TRPC4: variants seen among roughly 807,000 people sequenced by gnomAD.
TRPC4 encodes the protein short transient receptor potential channel 4.
Under a neutral mutation model 99.4 loss-of-function variants are expected in TRPC4, and 49 were observed. That is an observed-to-expected ratio of 0.49 (90% confidence interval 0.39 to 0.63). TRPC4 has a LOEUF of 0.63. TRPC4 is among the 20% of genes least tolerant of loss of function. The probability of loss-of-function intolerance (pLI) is 0.00; values close to 1 mark genes in which losing one functional copy is unlikely to be tolerated. For missense variants in TRPC4, 898 were observed against 1,152.9 expected (o/e 0.78, Z 3.20); for synonymous variants, 454 against 425.9 (o/e 1.07, Z -0.81).
At chr13:37,640,437 C>A (rs925121163) in intron 8 of TRPC4, among the ~76,000 whole-genome samples, 2 of 152,128 alleles carry the variant, frequency 1.3e-5, no homozygotes, top group African/African-American at 4.8e-5. Flanking sequence ...AAGGATGCAT[C>A]TGTCTTTCAT....
intron 4 of TRPC4, among the ~76,000 whole-genome samples, chr13:37,686,654 A>C (rs1953491084): frequency 6.6e-6 from 1 of 152,184 alleles, no homozygotes; most frequent in African/African-American, 2.4e-5. Context: ...TTGTTTAAAA[A>C]TTTGCTAAAT....
At chr13:37,664,726 A>G (rs767928656) in intron 5 of TRPC4, among the ~76,000 whole-genome samples, 1 of 152,222 alleles carries the variant, frequency 6.6e-6, no homozygotes, top group Non-Finnish European at 1.5e-5. Flanking sequence ...TGTTTTTCCA[A>G]TGAAAAGAAA....
At chr13:37,738,202 G>T (rs950284963) in intron 3 of TRPC4, among the ~76,000 whole-genome samples, 2 of 152,146 alleles carry the variant, frequency 1.3e-5, no homozygotes, top group Non-Finnish European at 2.9e-5. Context: ...GATGGCTTCT[G>T]GTTCTGGGAA....
intron 6 of TRPC4, among the ~76,000 whole-genome samples, chr13:37,657,213 A>G (rs1048151926): frequency 6.6e-6 from 1 of 152,224 alleles, no homozygotes; most frequent in African/African-American, 2.4e-5. Context: ...AAGGGCACTG[A>G]TCTGATCAAC....
intron 1 of TRPC4, among the ~76,000 whole-genome samples, chr13:37,829,074 T>C (rs969067769): frequency 6.6e-6 from 1 of 152,190 alleles, no homozygotes; most frequent in Non-Finnish European, 1.5e-5. Flanking sequence ...TTCTTACATA[T>C]GACAATAAAT....
At chr13:37,828,084 G>A (rs1047582673) in intron 1 of TRPC4, among the ~76,000 whole-genome samples, 1 of 152,210 alleles carries the variant, frequency 6.6e-6, no homozygotes, top group South Asian at 2.1e-4. Flanking sequence ...GGAACTCCCT[G>A]ACCCCTTGAG....
At chr13:37,774,302 T>C (rs1056356846) in intron 2 of TRPC4, among the ~76,000 whole-genome samples, 1 of 151,718 alleles carries the variant, frequency 6.6e-6, no homozygotes, top group Admixed American at 6.6e-5. Flanking sequence ...GTAAGTCAGT[T>C]CTCACATACT....
At chr13:37,779,630 G>C (rs1956788416) in intron 2 of TRPC4, among the ~76,000 whole-genome samples, 1 of 151,944 alleles carries the variant, frequency 6.6e-6, no homozygotes, top group Non-Finnish European at 1.5e-5. Flanking sequence ...ACCAATGTCA[G>C]AACTGCAGGA....
chr13:37,680,693 A>T (rs9576337), intron 4 of TRPC4, among the ~76,000 whole-genome samples: 13,112 of 152,194 alleles, frequency 0.086, 776 homozygotes, highest in East Asian at 0.27. Context: ...AAGGAAGAAT[A>T]TTCTGGCAAT....
At chr13:37,651,527 G>A (rs1379348227) in intron 7 of TRPC4, 68 bp from the exon 8 acceptor site, 5 of 1,448,734 alleles carry the variant, frequency 3.5e-6, no homozygotes, top group Non-Finnish European at 4.8e-6. Flanking sequence ...ATCTCACAGA[G>A]ATCCTGTAAC....
intron 8 of TRPC4, among the ~76,000 whole-genome samples, chr13:37,642,763 A>G (rs575850450): frequency 7.0e-6 from 1 of 143,730 alleles, no homozygotes; most frequent in Non-Finnish European, 1.5e-5. Flanking sequence ...TTGAGATAGA[A>G]TCTCACTCTG....
intron 7 of TRPC4, among the ~76,000 whole-genome samples, chr13:37,654,693 T>C (rs1190374508): frequency 6.6e-6 from 1 of 152,180 alleles, no homozygotes; most frequent in East Asian, 1.9e-4. Context: ...CTCTGGGTTA[T>C]CTTTTGTATC....
chr13:37,861,758 C>A (rs2139720559), intron 1 of TRPC4, among the ~76,000 whole-genome samples: 1 of 151,546 alleles, frequency 6.6e-6, no homozygotes, highest in African/African-American at 2.4e-5. Context: ...ACCAGATAAG[C>A]AAATAACGCT....
intron 2 of TRPC4, among the ~76,000 whole-genome samples, chr13:37,756,614 T>A (rs1011203696): frequency 6.7e-6 from 1 of 150,044 alleles, no homozygotes; most frequent in African/African-American, 2.5e-5. Flanking sequence ...CTCACTGCAA[T>A]CTCCGCCTCC....
intron 1 of TRPC4, among the ~76,000 whole-genome samples, chr13:37,829,613 T>C (rs889628618): frequency 1.5e-4 from 23 of 152,172 alleles, no homozygotes; most frequent in African/African-American, 5.3e-4. Flanking sequence ...AACATAGAAT[T>C]ACCACATGAC....
rs542257478 is a variant in TRPC4, at chr13:37,827,370, T to A, written c.-28+42225A>T. ...CGCTCTGCTTTTTAGAGTTTCCAGTTTTTCTGCTCTGTTTTTTCCCTATCT... is the reference window on the plus strand; with the variant it reads ...CGCTCTGCTTTTTAGAGTTTCCAGTATTTCTGCTCTGTTTTTTCCCTATCT... On this transcript the variant is annotated intron_variant, in intron 1 of 10. Coordinates refer to ENST00000379705, the MANE Select transcript of TRPC4 (RefSeq NM_016179.4). Among the ~76,000 whole-genome samples the A allele has an allele frequency of 2.6e-5, 4 of 152,300 alleles. No individual in the cohort carries two copies. The East Asian group carries it at 7.7e-4, about 29-fold the overall frequency.
chr13:37,707,085 T>C (rs1404135606), intron 3 of TRPC4, among the ~76,000 whole-genome samples: 11 of 152,180 alleles, frequency 7.2e-5, no homozygotes, highest in Admixed American at 6.6e-5. Context: ...ATTCTATTAA[T>C]GATGTCTAAA....
intron 3 of TRPC4, among the ~76,000 whole-genome samples, chr13:37,725,222 G>A (rs948461657): frequency 6.6e-6 from 1 of 151,904 alleles, no homozygotes; most frequent in Non-Finnish European, 1.5e-5. Flanking sequence ...GAAAGAAGAT[G>A]AACAGAGTCT....
chr13:37,665,556 A>G (rs1593465927), intron 5 of TRPC4, among the ~76,000 whole-genome samples: 1 of 152,110 alleles, frequency 6.6e-6, no homozygotes, highest in Admixed American at 6.5e-5. Flanking sequence ...AGGCACAACT[A>G]ATTACAATAA....
Sources: allele counts gnomAD v4.1 joint callset (sites outside exome capture counted in the v4.1 genomes callset), GRCh38; gene constraint gnomAD v4.1.1; transcripts MANE v1.5; gene names NCBI Gene and HGNC (gene_info 2026-07-23, HGNC 2026-07-21).